The following PARD3B variants were observed in gnomAD, a reference collection of about 807,000 sequenced individuals.
PARD3B encodes the protein partitioning defective 3 homolog B.
A neutral mutation model predicts 130.2 loss-of-function variants in PARD3B; 103 were observed. The observed-to-expected ratio is 0.79, with a 90% CI of 0.67 to 0.93. PARD3B has a LOEUF of 0.93. Among genes scored for constraint, PARD3B ranks in the 40% least tolerant of loss-of-function variants. PARD3B has a pLI of 0.00. For missense variants in PARD3B, 1,609 were observed against 1,499.2 expected (o/e 1.07, Z -1.21); for synonymous variants, 583 against 553.2 (o/e 1.05, Z -0.76).
intron 2 of PARD3B, among the ~76,000 whole-genome samples, chr2:204,928,808 C>T (rs1026676863): frequency 3.3e-5 from 5 of 152,040 alleles, no homozygotes; most frequent in African/African-American, 1.2e-4. Context: ...CTCTCTCCTG[C>T]CTTAATAATA....
At chr2:204,930,114 C>T (rs937314676) in intron 2 of PARD3B, among the ~76,000 whole-genome samples, 1 of 151,572 alleles carries the variant, frequency 6.6e-6, no homozygotes, top group Non-Finnish European at 1.5e-5. Flanking sequence ...TTTTCAATTC[C>T]TCTCTCTATG....
At chr2:205,245,568 T>G (rs569792977) in intron 15 of PARD3B, among the ~76,000 whole-genome samples, 18 of 152,306 alleles carry the variant, frequency 1.2e-4, no homozygotes, top group Non-Finnish European at 2.1e-4. Context: ...TCATAAAAGA[T>G]CTAATAAACA....
chr2:204,633,262 T>C (rs897908720), intron 1 of PARD3B, among the ~76,000 whole-genome samples: 1 of 152,168 alleles, frequency 6.6e-6, no homozygotes, highest in Non-Finnish European at 1.5e-5. Context: ...CTATGTACCC[T>C]ATATACTACT....
chr2:205,380,285 AAGAATATATATTATATAT>A (rs1428331942), intron 18 of PARD3B, among the ~76,000 whole-genome samples: 738 of 27,404 alleles, frequency 0.027, 257 homozygotes, highest in Admixed American at 0.035. Flanking sequence ...ATAATATATA[AAGAATATATATTATATAT>A]TATATAAAGA....
chr2:205,279,070 CAAAAAAAAAAA>C (rs57717513), intron 16 of PARD3B, among the ~76,000 whole-genome samples: 3 of 38,852 alleles, frequency 7.7e-5, no homozygotes, highest in African/African-American at 1.9e-4. Context: ...GAATCTGTCT[CAAAAAAAAAAA>C]AAAAAAAAAA....
At chr2:205,093,905 A>C (rs1451835526) in intron 4 of PARD3B, among the ~76,000 whole-genome samples, 1 of 152,168 alleles carries the variant, frequency 6.6e-6, no homozygotes, top group Admixed American at 6.5e-5. Context: ...TTGCTCAAAA[A>C]ACAAACAAAC....
intron 22 of PARD3B, among the ~76,000 whole-genome samples, chr2:205,604,622 T>C (rs2054916276): frequency 6.6e-6 from 1 of 152,168 alleles, no homozygotes. Context: ...GGCCCTTCTC[T>C]CTGGCTGCTC....
At chr2:205,469,464 G>A (rs1295542519) in intron 20 of PARD3B, among the ~76,000 whole-genome samples, 2 of 152,180 alleles carry the variant, frequency 1.3e-5, no homozygotes, top group African/African-American at 4.8e-5. Flanking sequence ...GCAGGAGGAA[G>A]CACTTCCTAC....
intron 16 of PARD3B, among the ~76,000 whole-genome samples, chr2:205,277,111 C>T (rs12619069): frequency 0.15 from 22,797 of 152,198 alleles, 2,363 homozygotes; most frequent in East Asian, 0.35. Flanking sequence ...CAGGAAGGTT[C>T]CATTTGCCAG....
intron 3 of PARD3B, 119 bp downstream of exon 3, chr2:204,965,442 T>C: frequency 9.0e-7 from 1 of 1,113,056 alleles, no homozygotes; most frequent in Non-Finnish European, 1.3e-6. Context: ...GTGGTTTATC[T>C]TTTCTTTAAA....
chr2:204,643,788 G>T (rs1047378544), intron 1 of PARD3B, among the ~76,000 whole-genome samples: 7 of 152,114 alleles, frequency 4.6e-5, no homozygotes, highest in African/African-American at 1.7e-4. Context: ...ATTAAGAACT[G>T]CAAATTCTTC....
chr2:205,266,278 A>C (rs2105782474), intron 16 of PARD3B, among the ~76,000 whole-genome samples: 1 of 152,288 alleles, frequency 6.6e-6, no homozygotes, highest in South Asian at 2.1e-4. Context: ...CACTGAATTT[A>C]GAACAAGAAG....
At chr2:205,205,018 A>C (rs538110756) in intron 15 of PARD3B, among the ~76,000 whole-genome samples, 2 of 152,050 alleles carry the variant, frequency 1.3e-5, no homozygotes, top group African/African-American at 2.4e-5. Flanking sequence ...GGATAGCATT[A>C]AATCTATAAA....
intron 15 of PARD3B, among the ~76,000 whole-genome samples, chr2:205,245,111 C>G (rs1320348215): frequency 6.6e-6 from 1 of 152,176 alleles, no homozygotes; most frequent in East Asian, 1.9e-4. Context: ...CAGCACCATG[C>G]CCTCAAGCTG....
chr2:205,246,186 A>G (rs1459199093), intron 16 of PARD3B, among the ~76,000 whole-genome samples: 1 of 151,978 alleles, frequency 6.6e-6, no homozygotes, highest in Non-Finnish European at 1.5e-5. Context: ...GAATTCCAGA[A>G]TAAGAAAGAT....
At chr2:205,424,201 C>G (rs1180242829) in intron 19 of PARD3B, among the ~76,000 whole-genome samples, 1 of 152,118 alleles carries the variant, frequency 6.6e-6, no homozygotes, top group African/African-American at 2.4e-5. Flanking sequence ...TTTAAACTCT[C>G]TATGATGCAG....
chr2:205,430,519 C>T (rs773040524), intron 19 of PARD3B, among the ~76,000 whole-genome samples: 9 of 152,268 alleles, frequency 5.9e-5, no homozygotes, highest in African/African-American at 1.2e-4. Flanking sequence ...GTGTAGCTAG[C>T]GGCTGCTGTA....
At chr2:205,329,527 T>C (rs2043040524) in intron 18 of PARD3B, among the ~76,000 whole-genome samples, 2 of 152,220 alleles carry the variant, frequency 1.3e-5, no homozygotes, top group East Asian at 3.8e-4. Flanking sequence ...GCAGCCTCAG[T>C]GCATCTTTGT....
intron 3 of PARD3B, among the ~76,000 whole-genome samples, chr2:204,987,221 A>G (rs182651673): frequency 1.4e-3 from 213 of 152,336 alleles, no homozygotes; most frequent in Non-Finnish European, 2.5e-3. Context: ...TTACTGGTAA[A>G]ATGAAGACAA....
Sources: allele counts gnomAD v4.1 joint callset (sites outside exome capture counted in the v4.1 genomes callset), GRCh38; gene constraint gnomAD v4.1.1; transcripts MANE v1.5; gene names NCBI Gene and HGNC (gene_info 2026-07-23, HGNC 2026-07-21).